Variants in MVB12B observed in about 807,000 individuals in gnomAD.
The protein encoded by MVB12B is multivesicular body subunit 12B.
Under a neutral mutation model 41.6 loss-of-function variants are expected in MVB12B, and 16 were observed. The observed-to-expected ratio is 0.38, with a 90% CI of 0.26 to 0.58. MVB12B has a LOEUF of 0.58. Ranked by LOEUF, MVB12B falls within the 20% of genes least tolerant of loss-of-function variation. The pLI is 0.62. For synonymous variants in MVB12B, 133 were observed against 139.7 expected (o/e 0.95, Z 0.34); for missense variants, 274 against 380.2 (o/e 0.72, Z 2.32).
At chr9:126,353,861 G>A (rs1341065550) in intron 2 of MVB12B, among the ~76,000 whole-genome samples, 1 of 152,002 alleles carries the variant, frequency 6.6e-6, no homozygotes, top group East Asian at 1.9e-4. Context: ...TACATCTCTG[G>A]GTGTGTGCTG....
At chr9:126,457,759 G>A (rs1483297927) in intron 7 of MVB12B, among the ~76,000 whole-genome samples, 2 of 152,108 alleles carry the variant, frequency 1.3e-5, no homozygotes, top group Non-Finnish European at 2.9e-5. Flanking sequence ...GAGGGAGAAC[G>A]GGTGGTATGT....
chr9:126,489,347 T>C (rs4836546), intron 9 of MVB12B, among the ~76,000 whole-genome samples: 133,239 of 152,290 alleles, frequency 0.87, 58,537 homozygotes, highest in East Asian at 0.91. Context: ...CAGCCCAGCG[T>C]GCCACACAGC....
chr9:126,393,739 A>G (rs1831024070), intron 5 of MVB12B, among the ~76,000 whole-genome samples: 1 of 152,240 alleles, frequency 6.6e-6, no homozygotes, highest in Non-Finnish European at 1.5e-5. Context: ...TCGGTGTGGC[A>G]GATGGTTTAC....
Position 126,505,544 on chromosome 9 carries a change from A to AAGT in MVB12B, c.*2283_*2285dup, listed in dbSNP as rs1834047599. ...GTTGTAGTAAACGGCAGCTTAAGAT[A>AAGT]AGTAAGCAGAGACAGTGTTAAGGAC... On this transcript the variant is annotated 3_prime_UTR_variant, in exon 10 of 10. Transcript: ENST00000361171. 1 of 152,250 alleles carries AAGT rather than the reference A, an allele frequency of 6.6e-6. No individual in the cohort carries two copies. The highest frequency in any genetic ancestry group is 1.5e-5 in the Non-Finnish European group (1 of 68,038). 9.4% of individuals were successfully genotyped at this position (152,250 alleles called of 1,614,324 possible). A position where few individuals can be genotyped will look rare whatever the true frequency, so the allele number is the denominator to read the frequency against.
chr9:126,392,983 A>G lies in MVB12B; in HGVS notation c.539+788A>G, dbSNP rs77175703. 0.02 allele frequency among the ~76,000 whole-genome samples: 3,095 copies of G among 152,326 alleles called. 78 individuals are homozygous for G. The highest frequency in any genetic ancestry group is 0.068 in the East Asian group (354 of 5,182). On this transcript the variant is annotated intron_variant, in intron 5 of 9. Transcript: ENST00000361171. The surrounding 1 kb of genome is among the most constrained non-coding windows in gnomAD (Gnocchi z 4.8). ...AGTGGAGGGCTCCAAGTCAGGAAGA[A>G]ACATAAATATTACACAGCTGCATGA...
At chr9:126,453,999 G>A (rs994889984) in intron 7 of MVB12B, among the ~76,000 whole-genome samples, 7 of 152,326 alleles carry the variant, frequency 4.6e-5, no homozygotes, top group East Asian at 1.9e-4. Flanking sequence ...AGAAACAGAC[G>A]CGGTAAAGCA....
intron 7 of MVB12B, among the ~76,000 whole-genome samples, chr9:126,427,850 A>G (rs1158707282): frequency 6.6e-6 from 1 of 152,202 alleles, no homozygotes; most frequent in Admixed American, 6.5e-5. Flanking sequence ...TAGGCTGACT[A>G]TTAAAGTGAA....
intron 2 of MVB12B, among the ~76,000 whole-genome samples, chr9:126,343,217 C>T (rs1043391824): frequency 1.3e-5 from 2 of 152,230 alleles, no homozygotes; most frequent in Non-Finnish European, 2.9e-5. Flanking sequence ...CCGACGTCTG[C>T]GGTCCTCTCT....
At chr9:126,493,065 CA>C (rs1237413160) in intron 9 of MVB12B, among the ~76,000 whole-genome samples, 1 of 152,136 alleles carries the variant, frequency 6.6e-6, no homozygotes, top group East Asian at 1.9e-4. Context: ...AGTGTCTTTT[CA>C]GCTTGTAAAT....
intron 8 of MVB12B, among the ~76,000 whole-genome samples, 177 bp from the exon 9 acceptor site, chr9:126,483,796 T>C (rs2119209915): frequency 6.6e-6 from 1 of 152,120 alleles, no homozygotes; most frequent in South Asian, 2.1e-4. Context: ...TATCATCACT[T>C]CTCCTGCCAC....
intron 6 of MVB12B, among the ~76,000 whole-genome samples, chr9:126,416,153 G>T (rs536568725): frequency 2.0e-5 from 3 of 152,230 alleles, no homozygotes; most frequent in African/African-American, 4.8e-5. Flanking sequence ...CTGTGGTGCT[G>T]CATGGAGGCC....
chr9:126,432,531 A>G (rs549252318), intron 7 of MVB12B, among the ~76,000 whole-genome samples: 1 of 152,370 alleles, frequency 6.6e-6, no homozygotes, highest in Admixed American at 6.5e-5. Context: ...GGATTAAATT[A>G]ATTAAATGAA....
intron 2 of MVB12B, among the ~76,000 whole-genome samples, chr9:126,357,662 T>A (rs1356184623): frequency 6.6e-6 from 1 of 152,208 alleles, no homozygotes; most frequent in East Asian, 1.9e-4. Context: ...TCAAATTTTT[T>A]ACCTGCTTTT....
intron 7 of MVB12B, among the ~76,000 whole-genome samples, chr9:126,457,591 G>A (rs1449560206): frequency 1.3e-5 from 2 of 152,134 alleles, no homozygotes; most frequent in African/African-American, 4.8e-5. Flanking sequence ...GGCTTCTAGT[G>A]TACCCATCGG....
At chr9:126,502,542 C>T (rs752966193) in intron 9 of MVB12B, among the ~76,000 whole-genome samples, 12 of 150,836 alleles carry the variant, frequency 8.0e-5, no homozygotes, top group African/African-American at 3.0e-4. Flanking sequence ...GAAGGTCCCC[C>T]CACCGGGCAG....
chr9:126,498,942 C>T (rs1833893935), intron 9 of MVB12B, among the ~76,000 whole-genome samples: 1 of 152,232 alleles, frequency 6.6e-6, no homozygotes, highest in African/African-American at 2.4e-5. Flanking sequence ...AGGACCACTC[C>T]TGCCAACCAC....
chr9:126,383,239 G>C (rs927001118), intron 3 of MVB12B, among the ~76,000 whole-genome samples: 1 of 152,180 alleles, frequency 6.6e-6, no homozygotes, highest in Non-Finnish European at 1.5e-5. Context: ...GGGGTCTCAA[G>C]ACTGGACAGA....
At chr9:126,471,965 T>C (rs1282734608) in intron 7 of MVB12B, among the ~76,000 whole-genome samples, 1 of 102,706 alleles carries the variant, frequency 9.7e-6, no homozygotes, top group African/African-American at 3.6e-5. Context: ...GTGCTGGTAA[T>C]AGAGTCTGTT....
At chr9:126,406,951 C>T (rs76442247) in intron 6 of MVB12B, among the ~76,000 whole-genome samples, 1 of 152,014 alleles carries the variant, frequency 6.6e-6, no homozygotes, top group Non-Finnish European at 1.5e-5. Context: ...TATTTTTCTG[C>T]GGAAGCATTT....
Sources: gnomAD v4.1 joint callset for allele counts (sites outside exome capture counted in the v4.1 genomes callset) on GRCh38, gnomAD v4.1.1 for gene constraint, Gnocchi (gnomAD v3.1) non-coding constraint, MANE v1.5 for transcripts, NCBI Gene and HGNC (gene_info 2026-07-23, HGNC 2026-07-21) for gene names.